PATE3: variants seen among roughly 807,000 people sequenced by gnomAD.
PATE3 encodes the protein prostate and testis expressed 3, also known as prostate and testis expressed protein 3.
Under a neutral mutation model 7.4 loss-of-function variants are expected in PATE3, and 7 were observed. The observed-to-expected ratio is 0.95, with a 90% CI of 0.54 to 1.78. The LOEUF (loss-of-function observed/expected upper bound fraction) is 1.78, where lower values mean the gene tolerates loss of function less well. Among genes scored for constraint, PATE3 ranks in the 40% most tolerant of loss-of-function variants. PATE3 has a pLI of 0.00. For synonymous variants in PATE3, 38 were observed against 40.2 expected, an observed-to-expected ratio of 0.94 and a Z score of 0.21; for missense variants, 117 against 122.5, an observed-to-expected ratio of 0.96 and a Z score of 0.21.
At chr11:125,789,575 T>G in intron 2 of PATE3, 67 bp downstream of exon 2, 2 of 1,495,414 alleles carry the variant, frequency 1.3e-6, no homozygotes, top group Non-Finnish European at 1.8e-6. Flanking sequence ...CTTCAGCAAT[T>G]TCACATCTCA....
At chr11:125,788,488 T>C (rs951142520) in intron 1 of PATE3, among the ~76,000 whole-genome samples, 1 of 152,218 alleles carries the variant, frequency 6.6e-6, no homozygotes, top group Admixed American at 6.5e-5. Flanking sequence ...AGATTTTCCT[T>C]AGGACATCCT....
chr11:125,790,708 C>A lies in PATE3; in HGVS notation c.*106C>A. The A allele has an allele frequency of 1.7e-6, 2 of 1,191,818 alleles. No homozygotes were observed. The highest frequency in any genetic ancestry group is 2.3e-6 in the Non-Finnish European group (2 of 862,256). The allele number at this position is 1,191,818 out of a possible 1,614,324, so 73.8% of individuals were successfully genotyped here. ...TTCCGTGTCTGTCCTGACAATACCCCTGCCCTCGCATTAACCTAAGAAGAC... is the reference window on the plus strand; with the variant it reads ...TTCCGTGTCTGTCCTGACAATACCCATGCCCTCGCATTAACCTAAGAAGAC... On this transcript the variant is annotated 3_prime_UTR_variant, in exon 3 of 3. Coordinates refer to ENST00000445202, the MANE Select transcript of PATE3 (RefSeq NM_001129883.4).
At chr11:125,789,608 C>G (rs1376634747) in intron 2 of PATE3, 100 bp downstream of exon 2, 1 of 1,356,766 alleles carries the variant, frequency 7.4e-7, no homozygotes, top group Admixed American at 2.2e-5. Flanking sequence ...ATGCAGAATG[C>G]CCCTGAGCAC....
chr11:125,790,648 G>A lies in PATE3; in HGVS notation c.*46G>A. On this transcript the variant is annotated 3_prime_UTR_variant, in exon 3 of 3. Transcript: ENST00000445202. ...CTCGCTTTGGAATGTCCCCAATGTT[G>A]CTCATCCTTCACACTCTGCTGGCCC... is the stretch of plus-strand genomic sequence containing the variant. The A allele has an allele frequency of 1.3e-6, 2 of 1,531,298 alleles. No homozygotes were observed. Among genetic ancestry groups the A allele is most frequent in the East Asian group, 2.5e-5 (1 of 40,638 alleles). 94.9% of individuals were successfully genotyped at this position (1,531,298 alleles called of 1,614,324 possible).
chr11:125,789,364 A>G (rs1457310240), intron 1 of PATE3, 22 bp from the exon 2 acceptor site: 1 of 1,547,010 alleles, frequency 6.5e-7, no homozygotes, highest in Admixed American at 2.0e-5. Context: ...CTAGTCTCAC[A>G]CCATCTCTAT....
chr11:125,789,657 T>C, intron 2 of PATE3, 149 bp downstream of exon 2: 1 of 840,608 alleles, frequency 1.2e-6, no homozygotes, highest in Non-Finnish European at 1.7e-6. Context: ...AGACAGAAGA[T>C]AATTTGGGTC....
intron 1 of PATE3, among the ~76,000 whole-genome samples, chr11:125,789,017 T>A (rs1297980751): frequency 6.6e-6 from 1 of 152,196 alleles, no homozygotes; most frequent in African/African-American, 2.4e-5. Flanking sequence ...ACAATAGCTT[T>A]GGTGAAATGT....
chr11:125,790,595 A>T lies in PATE3; in HGVS notation c.290A>T (p.Lys97Ile), dbSNP rs772728964. 2.6e-5 allele frequency: 41 copies of T among 1,551,158 alleles called. No individual in the cohort carries two copies. Among genetic ancestry groups the T allele is most frequent in the Non-Finnish European group, 3.5e-5 (40 of 1,146,778 alleles). ...TCCNYNYCNF[K>I]L is the part of the protein sequence containing the mutation. ...TGCAACTACAATTACTGTAACTTTA[A>T]ACTCTAAGATATTTGCCCTCCTGAG... Residue 97 changes from lysine (K) to isoleucine (I), a missense_variant, in exon 3 of 3, where the codon AAA becomes ATA. Lys to Ile is a moderately radical substitution (Grantham distance 102). Coordinates refer to ENST00000445202, the MANE Select transcript of PATE3 (RefSeq NM_001129883.4).
At position 125,789,523 on chromosome 11, in the gene PATE3, C is replaced by T; in HGVS notation, c.172+15C>T. On this transcript the variant is annotated intron_variant, in intron 2 of 2. Transcript: ENST00000445202. ...GATTTACCAGCGTAAGTTAGAGGGT[C>T]AGGGAAGGTGTTGTAAGATTCTTAG... 6.5e-7 allele frequency: 1 copy of T among 1,546,166 alleles called. No homozygotes were observed. The highest frequency in any genetic ancestry group is 8.7e-7 in the Non-Finnish European group (1 of 1,143,030).
At chr11:125,788,902 G>A (rs766695544) in intron 1 of PATE3, among the ~76,000 whole-genome samples, 6 of 152,074 alleles carry the variant, frequency 3.9e-5, no homozygotes, top group South Asian at 2.1e-4. Context: ...AGCTCACCCC[G>A]CAGAACCTCA....
chr11:125,788,813 G>A (rs1385342521), intron 1 of PATE3, among the ~76,000 whole-genome samples: 2 of 152,126 alleles, frequency 1.3e-5, no homozygotes, highest in African/African-American at 4.8e-5. Flanking sequence ...GCCCAAATGG[G>A]ATGCTCAATC....
Position 125,790,758 on chromosome 11 carries a change from G to T in PATE3, c.*156G>T. 1 of 680,008 alleles carries T rather than the reference G, an allele frequency of 1.5e-6. No homozygotes were observed. Among genetic ancestry groups the T allele is most frequent in the Non-Finnish European group, 2.3e-6 (1 of 430,338 alleles). The allele number at this position is 680,008 out of a possible 1,614,324, so 42.1% of individuals were successfully genotyped here. ...CTAAACTAGTGTGATCCTTTCTGGT[G>T]TCTTCAGCTTGGCTTCTCCCTCAGT... On this transcript the variant is annotated 3_prime_UTR_variant, in exon 3 of 3. Transcript: ENST00000445202.
At chr11:125,788,815 T>C (rs1943586611) in intron 1 of PATE3, among the ~76,000 whole-genome samples, 1 of 152,152 alleles carries the variant, frequency 6.6e-6, no homozygotes, top group South Asian at 2.1e-4. Flanking sequence ...CCAAATGGGA[T>C]GCTCAATCAT....
intron 1 of PATE3, among the ~76,000 whole-genome samples, chr11:125,789,165 G>C (rs1003891837): frequency 6.6e-6 from 1 of 152,166 alleles, no homozygotes; most frequent in African/African-American, 2.4e-5. Flanking sequence ...TAAAAGGGCT[G>C]AAGGTGGGGT....
Position 125,790,566 on chromosome 11 carries a change from A to T in PATE3, c.261A>T (p.Thr87=). 1.3e-6 allele frequency: 2 copies of T among 1,551,520 alleles called. No individual in the cohort carries two copies. Among genetic ancestry groups the T allele is most frequent in the East Asian group, 4.9e-5 (2 of 40,926 alleles). Residue 87 remains threonine, a synonymous_variant, in exon 3 of 3, where the codon ACA becomes ACT. Transcript: ENST00000445202. The part of the protein sequence containing the change: ...FDLRNRTYVH[T]CCNYNYCNFK... ...TCAGGAATCGGACTTATGTTCATAC[A>T]TGCTGCAACTACAATTACTGTAACT...
In PATE3 at chr11:125,791,412, T is replaced by G. The variant is rs939416126; in HGVS notation, c.*810T>G. 2 of 152,128 alleles carry G rather than the reference T, an allele frequency of 1.3e-5. No homozygotes were observed. The highest frequency in any genetic ancestry group is 4.8e-5 in the African/African-American group (2 of 41,426). The allele number at this position is 152,128 out of a possible 1,614,324, so 9.4% of individuals were successfully genotyped here. ...GGAGGTCCTTCGAAGCTTTGCCCCATGCGTCAGATGGCACCTGAGGCATAT... is the reference window on the plus strand; with the variant it reads ...GGAGGTCCTTCGAAGCTTTGCCCCAGGCGTCAGATGGCACCTGAGGCATAT... On this transcript the variant is annotated 3_prime_UTR_variant, in exon 3 of 3. Coordinates refer to ENST00000445202, the MANE Select transcript of PATE3 (RefSeq NM_001129883.4).
rs970702229 is a variant in PATE3, at chr11:125,790,556, A to G, written c.251A>G (p.Tyr84Cys). Residue 84 changes from tyrosine (Y) to cysteine (C), a missense_variant, in exon 3 of 3, where the codon TAT (tyrosine) becomes TGT (cysteine). Coordinates refer to ENST00000445202, the MANE Select transcript of PATE3 (RefSeq NM_001129883.4). ...DMTFDLRNRT[Y>C]VHTCCNYNYC... The stretch of plus-strand genomic sequence containing the variant: ...ACATTTGATCTCAGGAATCGGACTT[A>G]TGTTCATACATGCTGCAACTACAAT... 3 of 1,551,384 alleles carry G rather than the reference A, an allele frequency of 1.9e-6. No homozygotes were observed. The highest frequency in any genetic ancestry group is 2.6e-6 in the Non-Finnish European group (3 of 1,146,744).
At chr11:125,789,161 G>A (rs781006772) in intron 1 of PATE3, among the ~76,000 whole-genome samples, 40 of 152,052 alleles carry the variant, frequency 2.6e-4, no homozygotes, top group Admixed American at 3.3e-4. Flanking sequence ...AGGTTAAAAG[G>A]GCTGAAGGTG....
At position 125,788,180 on chromosome 11, in the gene PATE3, T is replaced by A; in HGVS notation, c.29T>A (p.Leu10His). Residue 10 changes from leucine (L) to histidine (H), a missense_variant, in exon 1 of 3, where the codon CTC (leucine) becomes CAC (histidine). Physicochemically the swap from Leu to His is moderately conservative, Grantham distance 99. Coordinates refer to ENST00000445202, the MANE Select transcript of PATE3 (RefSeq NM_001129883.4). Reference sequence around the variant, plus strand: ...AACAAACACTTCTTGTTCCTCTTCCTCCTTTACTGCCTCATTGTGGGTGAG... The same window carrying A: ...AACAAACACTTCTTGTTCCTCTTCCACCTTTACTGCCTCATTGTGGGTGAG... Reference protein sequence around the residue: MNKHFLFLFLLYCLIVAVTS... With the variant: MNKHFLFLFHLYCLIVAVTS... The A allele has an allele frequency of 9.7e-6, 15 of 1,551,468 alleles. No individual in the cohort carries two copies. Among genetic ancestry groups the A allele is most frequent in the Non-Finnish European group, 1.2e-5 (14 of 1,146,804 alleles).
Sources: allele counts gnomAD v4.1 joint callset (sites outside exome capture counted in the v4.1 genomes callset), GRCh38; gene constraint gnomAD v4.1.1; transcripts MANE v1.5; gene names NCBI Gene and HGNC (gene_info 2026-07-23, HGNC 2026-07-21).